SLC22A23: variants seen among roughly 807,000 people sequenced by gnomAD.
SLC22A23 encodes ion transporter protein.
In SLC22A23, 26 loss-of-function variants were observed where a neutral mutation model predicts 61.0. The observed-to-expected ratio is 0.43, with a 90% CI of 0.31 to 0.59. The LOEUF (loss-of-function observed/expected upper bound fraction) is 0.59, where lower values mean the gene tolerates loss of function less well. Ranked by LOEUF, SLC22A23 falls within the 20% of genes least tolerant of loss-of-function variation. SLC22A23 has a pLI of 0.11. For missense variants in SLC22A23, 796 were observed against 934.7 expected (o/e 0.85, Z 1.94); for synonymous variants, 430 against 413.9 (o/e 1.04, Z -0.47).
chr6:3,436,051 T>C (rs147296245), intron 1 of SLC22A23, among the ~76,000 whole-genome samples: 5 of 152,200 alleles, frequency 3.3e-5, no homozygotes, highest in African/African-American at 1.2e-4. Context: ...AGCAAGCTAA[T>C]ACAGCGTGAG....
intron 5 of SLC22A23, among the ~76,000 whole-genome samples, chr6:3,292,220 T>C (rs757846153): frequency 2.5e-4 from 38 of 152,194 alleles, no homozygotes; most frequent in Non-Finnish European, 5.1e-4. Flanking sequence ...GGGCCTCAAA[T>C]CCTCGAGTGC....
At chr6:3,389,467 T>C (rs1489064969) in intron 3 of SLC22A23, among the ~76,000 whole-genome samples, 4 of 152,194 alleles carry the variant, frequency 2.6e-5, no homozygotes, top group Non-Finnish European at 5.9e-5. Flanking sequence ...TAGGAGACTG[T>C]GACCAGAGAA....
rs575263309 is a variant in SLC22A23 at position 3,297,784 on chromosome 6, C to T, written c.1210+307G>A. 3.9e-5 allele frequency among the ~76,000 whole-genome samples: 6 copies of T among 152,286 alleles called. No individual in the cohort carries two copies. The highest frequency in any genetic ancestry group is 1.4e-4 in the African/African-American group (6 of 41,562). ...TCTGGCAGTGTTTAGACCTGGCAGG[C>T]AGGTAGGCTATGGGCCAGACAGCCA... On this transcript the variant is annotated intron_variant, in intron 5 of 9. Coordinates refer to ENST00000406686, the MANE Select transcript of SLC22A23 (RefSeq NM_015482.2). This position sits in a 1 kb window ranked among gnomAD's most constrained non-coding sequence, Gnocchi z 4.3.
At chr6:3,351,738 C>T (rs1050961195) in intron 3 of SLC22A23, among the ~76,000 whole-genome samples, 1 of 152,206 alleles carries the variant, frequency 6.6e-6, no homozygotes, top group Non-Finnish European at 1.5e-5. Context: ...CCTATGGAGC[C>T]ATATTTCTGC....
chr6:3,346,806 C>T (rs1764463560), intron 3 of SLC22A23, among the ~76,000 whole-genome samples: 1 of 152,210 alleles, frequency 6.6e-6, no homozygotes, highest in South Asian at 2.1e-4. Context: ...CCCTTGCTGA[C>T]ACCCAGGATG....
rs549202728 is a variant in SLC22A23, at chr6:3,360,684, T to C, written c.914-36682A>G. 6.6e-6 allele frequency among the ~76,000 whole-genome samples: 1 copy of C among 152,332 alleles called. No homozygotes were observed. Among genetic ancestry groups the C allele is most frequent in the African/African-American group, 2.4e-5 (1 of 41,572 alleles). On this transcript the variant is annotated intron_variant, in intron 3 of 9. Transcript: ENST00000406686. This position sits in a 1 kb window ranked among gnomAD's most constrained non-coding sequence, Gnocchi z 4.6. ...AAGCCCCAGATACTGTCCCAGTTAT[T>C]TAGGAGACAAAGAGGCCCTCAAGCT...
intron 4 of SLC22A23, among the ~76,000 whole-genome samples, chr6:3,307,350 A>C (rs944840729): frequency 2.0e-5 from 3 of 152,174 alleles, no homozygotes; most frequent in Admixed American, 6.5e-5. Flanking sequence ...TGAATGACAG[A>C]TTGGACTCAA....
intron 3 of SLC22A23, among the ~76,000 whole-genome samples, chr6:3,352,271 GCACACA>G (rs57754893): frequency 1.9e-4 from 29 of 149,388 alleles, no homozygotes; most frequent in South Asian, 6.4e-4. Context: ...ACACAGACAT[GCACACA>G]CACACACACA....
At chr6:3,447,442 G>C (rs1464226661) in intron 1 of SLC22A23, among the ~76,000 whole-genome samples, 7 of 152,142 alleles carry the variant, frequency 4.6e-5, no homozygotes, top group African/African-American at 1.7e-4. Context: ...GTTTGGGTGT[G>C]CCTTCCCCAG....
At chr6:3,433,121 C>T (rs534658859) in intron 1 of SLC22A23, among the ~76,000 whole-genome samples, 32 of 152,346 alleles carry the variant, frequency 2.1e-4, no homozygotes, top group South Asian at 1.4e-3. Context: ...CTTCATCAAA[C>T]GCTCACATGC....
intron 1 of SLC22A23, among the ~76,000 whole-genome samples, chr6:3,420,959 G>C (rs900782577): frequency 2.0e-5 from 3 of 152,036 alleles, no homozygotes; most frequent in Admixed American, 6.5e-5. Flanking sequence ...AAATTAGCTG[G>C]GTGTGGTGGT....
chr6:3,456,232 T>C lies in SLC22A23; in HGVS notation c.328A>G (p.Ile110Val), dbSNP rs941660206. Reference protein sequence around the residue: ...VLLTWIPALFIGFSQFSDSFL... With the variant: ...VLLTWIPALFVGFSQFSDSFL... ...GAGTCCGAGAACTGGCTGAAGCCGA[T>C]GAACAGCGCCGGGATCCAGGTGAGC... The change falls in exon 1 of 10, where the codon ATC becomes GTC. Residue 110 changes from isoleucine (I) to valine (V), a missense_variant. Ile to Val is a conservative substitution (Grantham distance 29). Transcript: ENST00000406686. This position sits in a 1 kb window ranked among gnomAD's most constrained non-coding sequence, Gnocchi z 7.1. The C allele has an allele frequency of 2.6e-6, 4 of 1,551,286 alleles. No homozygotes were observed. The highest frequency in any genetic ancestry group is 1.2e-5 in the South Asian group (1 of 84,034).
chr6:3,287,628 G>C (rs545195086), intron 6 of SLC22A23, among the ~76,000 whole-genome samples: 1 of 152,082 alleles, frequency 6.6e-6, no homozygotes, highest in African/African-American at 2.4e-5. Flanking sequence ...TGGAGGAGTC[G>C]GGCAGAAGCC....
chr6:3,389,506 C>A (rs1767531398), intron 3 of SLC22A23, among the ~76,000 whole-genome samples: 1 of 152,166 alleles, frequency 6.6e-6, no homozygotes, highest in Non-Finnish European at 1.5e-5. Flanking sequence ...AGGAGGCAGT[C>A]AGGGAAGGCC....
At position 3,420,691 on chromosome 6, in the gene SLC22A23, T is replaced by C. The variant is rs564372778; in HGVS notation, c.655-4836A>G. ...AAATTATAAAGACCTAAATTTGTAA[T>C]ATATATCCACTTACATATCAATATA... On this transcript the variant is annotated intron_variant, in intron 1 of 9. Coordinates refer to ENST00000406686, the MANE Select transcript of SLC22A23 (RefSeq NM_015482.2). 3.9e-5 allele frequency among the ~76,000 whole-genome samples: 6 copies of C among 152,340 alleles called. No homozygotes were observed. The South Asian group carries it at 1.0e-3, about 26-fold the overall frequency.
At chr6:3,431,467 G>A (rs983280029) in intron 1 of SLC22A23, among the ~76,000 whole-genome samples, 14 of 152,184 alleles carry the variant, frequency 9.2e-5, no homozygotes, top group African/African-American at 3.4e-4. Flanking sequence ...CCATCTATGG[G>A]TGGGCATGAA....
chr6:3,357,355 G>T (rs1447738108), intron 3 of SLC22A23, among the ~76,000 whole-genome samples: 1 of 152,070 alleles, frequency 6.6e-6, no homozygotes, highest in Non-Finnish European at 1.5e-5. Context: ...TTTTTAAATG[G>T]GGTTGTGGCT....
Position 3,301,136 on chromosome 6 carries a change from A to C in SLC22A23, c.1083-2918T>G, listed in dbSNP as rs558020533. On this transcript the variant is annotated intron_variant, in intron 4 of 9. Coordinates refer to ENST00000406686, the MANE Select transcript of SLC22A23 (RefSeq NM_015482.2). The stretch of plus-strand genomic sequence containing the variant: ...CACATTTTGCTGTATTTTAAAAATC[A>C]GATCTTTTCTTTATAATAAAACAAC... 2.0e-5 allele frequency among the ~76,000 whole-genome samples: 3 copies of C among 152,360 alleles called. 1 individual carries two copies. The East Asian group carries it at 5.8e-4, about 29-fold the overall frequency.
In SLC22A23 at chr6:3,456,616, C is replaced by T; in HGVS notation, c.-57G>A. ...TAGAGCGCGGCGGAGGCTCCGCGGGCGCCCCGGGCACAGCGCGCCGGGCCA... is the reference window on the plus strand; with the variant it reads ...TAGAGCGCGGCGGAGGCTCCGCGGGTGCCCCGGGCACAGCGCGCCGGGCCA... On this transcript the variant is annotated 5_prime_UTR_variant, in exon 1 of 10. Coordinates refer to ENST00000406686, the MANE Select transcript of SLC22A23 (RefSeq NM_015482.2). The surrounding 1 kb of genome is among the most constrained non-coding windows in gnomAD (Gnocchi z 7.1). 1.0e-6 allele frequency: 1 copy of T among 965,644 alleles called. No individual in the cohort carries two copies. Among genetic ancestry groups the T allele is most frequent in the Non-Finnish European group, 1.2e-6 (1 of 814,734 alleles). 59.8% of individuals were successfully genotyped at this position (965,644 alleles called of 1,614,324 possible). A position where few individuals can be genotyped will look rare whatever the true frequency, so the allele number is the denominator to read the frequency against.
Sources: gnomAD v4.1 joint callset for allele counts (sites outside exome capture counted in the v4.1 genomes callset) on GRCh38, gnomAD v4.1.1 for gene constraint, Gnocchi (gnomAD v3.1) non-coding constraint, MANE v1.5 for transcripts, NCBI Gene and HGNC (gene_info 2026-07-23, HGNC 2026-07-21) for gene names.